The following PRR16 variants were observed in gnomAD, a reference collection of about 807,000 sequenced individuals.
PRR16 encodes the protein protein Largen.
A neutral mutation model predicts 18.2 loss-of-function variants in PRR16; 6 were observed. That is an observed-to-expected ratio of 0.33 (90% CI 0.18 to 0.65). The LOEUF (loss-of-function observed/expected upper bound fraction) is 0.65. Ranked by LOEUF, PRR16 falls within the 30% of genes least tolerant of loss-of-function variation. The probability of loss-of-function intolerance (pLI) is 0.74; values close to 1 mark genes in which losing one functional copy is unlikely to be tolerated. For missense variants in PRR16, 412 were observed against 376.6 expected (o/e 1.09, Z -0.78); for synonymous variants, 151 against 147.8 (o/e 1.02, Z -0.16).
At chr5:120,736,095 C>A in the PRR16 span, among the ~76,000 whole-genome samples, 1 of 152,138 alleles carries the variant, frequency 6.6e-6, no homozygotes, top group Non-Finnish European at 1.5e-5. Flanking sequence ...ATTGAATAGG[C>A]TTGACACCCT....
At chr5:120,611,064 C>T (rs945797350) in intron 1 of PRR16, among the ~76,000 whole-genome samples, 7 of 152,112 alleles carry the variant, frequency 4.6e-5, no homozygotes, top group Non-Finnish European at 7.4e-5. Flanking sequence ...GCTCTTGTTA[C>T]GTGTTAGCAA....
intron 1 of PRR16, among the ~76,000 whole-genome samples, chr5:120,601,015 A>G (rs371911030): frequency 6.6e-6 from 1 of 152,116 alleles, no homozygotes; most frequent in South Asian, 2.1e-4. Flanking sequence ...TCTATTGTGA[A>G]TAGAGCTGCA....
intron 1 of PRR16, among the ~76,000 whole-genome samples, chr5:120,511,339 C>A (rs1262744376): frequency 6.6e-6 from 1 of 152,090 alleles, no homozygotes; most frequent in Admixed American, 6.6e-5. Context: ...TTGGACTGAG[C>A]CTCTGAGAAT....
chr5:120,751,250 G>A, the PRR16 span, among the ~76,000 whole-genome samples: 4 of 152,010 alleles, frequency 2.6e-5, no homozygotes, highest in Admixed American at 2.6e-4. Flanking sequence ...AATAAATATG[G>A]GTGTACATAC....
rs73266167 is a variant in PRR16, at chr5:120,521,335, A to G, written c.159+56690A>G. ...GAAAGAACAGGTCTTTAGTAGCACC[A>G]TTTTTTAATCCTATAGATTTTTTGA... On this transcript the variant is annotated intron_variant, in intron 1 of 1. Transcript: ENST00000407149. Among the ~76,000 whole-genome samples the G allele has an allele frequency of 3.0e-3, 464 of 152,208 alleles. 3 individuals are homozygous for G. The highest frequency in any genetic ancestry group is 0.011 in the African/African-American group (443 of 41,514).
the PRR16 span, among the ~76,000 whole-genome samples, chr5:120,775,967 GCTTA>G: frequency 6.6e-6 from 1 of 151,726 alleles, no homozygotes; most frequent in East Asian, 1.9e-4. Flanking sequence ...AATCTAACCA[GCTTA>G]CTTTCCAGAT....
Position 120,464,461 on chromosome 5 carries a change from T to A in PRR16, c.-26T>A, listed in dbSNP as rs1449352942. The A allele has an allele frequency of 3.8e-6, 6 of 1,569,694 alleles. No homozygotes were observed. The highest frequency in any genetic ancestry group is 5.1e-6 in the Non-Finnish European group (6 of 1,166,040). On this transcript the variant is annotated 5_prime_UTR_variant, in exon 1 of 2. The change abolishes the stop of an existing upstream ORF in the 5' untranslated region. Coordinates refer to ENST00000407149, the MANE Select transcript of PRR16 (RefSeq NM_001300783.2). ...GCAGCCTCCGCTCGCCCGCCTGTCC[T>A]GACCTGCCTCGCTTGCCCCCAAAGA...
chr5:120,567,774 C>A (rs975920177), intron 1 of PRR16, among the ~76,000 whole-genome samples: 6 of 152,194 alleles, frequency 3.9e-5, no homozygotes, highest in Admixed American at 2.0e-4. Flanking sequence ...TTTCTTCAGG[C>A]CTCCCCAGCC....
chr5:120,576,008 C>T (rs1278776169), intron 1 of PRR16, among the ~76,000 whole-genome samples: 1 of 152,080 alleles, frequency 6.6e-6, no homozygotes, highest in South Asian at 2.1e-4. Context: ...TAATCCCTCA[C>T]CATATACAAA....
chr5:120,709,244 T>C, the PRR16 span, among the ~76,000 whole-genome samples: 68,092 of 151,618 alleles, frequency 0.45, 16,372 homozygotes, highest in East Asian at 0.84. Context: ...CCTGACCTCG[T>C]GATCTGCCCG....
intron 1 of PRR16, among the ~76,000 whole-genome samples, chr5:120,640,092 T>G (rs896675880): frequency 1.3e-5 from 2 of 152,078 alleles, no homozygotes; most frequent in African/African-American, 2.4e-5. Flanking sequence ...CTAAGCATGT[T>G]TACATGGATA....
At chr5:120,478,453 ATC>A (rs1358597635) in intron 1 of PRR16, among the ~76,000 whole-genome samples, 2 of 152,084 alleles carry the variant, frequency 1.3e-5, no homozygotes, top group African/African-American at 4.8e-5. Context: ...TAGACAAAGG[ATC>A]TCTCAGCAAT....
At chr5:120,651,377 G>A (rs1755783271) in intron 1 of PRR16, among the ~76,000 whole-genome samples, 2 of 152,044 alleles carry the variant, frequency 1.3e-5, no homozygotes, top group East Asian at 1.9e-4. Flanking sequence ...CATTGTTTTT[G>A]GTGTTTTAGA....
At chr5:120,776,750 GTC>G in the PRR16 span, among the ~76,000 whole-genome samples, 4 of 151,980 alleles carry the variant, frequency 2.6e-5, no homozygotes, top group African/African-American at 4.8e-5. Flanking sequence ...CTTTGTTAAA[GTC>G]TCTCTCATAT....
At chr5:120,678,939 TTTC>T (rs1160789820) in intron 1 of PRR16, among the ~76,000 whole-genome samples, 2 of 152,140 alleles carry the variant, frequency 1.3e-5, no homozygotes, top group African/African-American at 4.8e-5. Flanking sequence ...AATTATTTAA[TTTC>T]TTCTTAATCT....
chr5:120,497,525 G>A (rs958860803), intron 1 of PRR16, among the ~76,000 whole-genome samples: 12 of 151,244 alleles, frequency 7.9e-5, no homozygotes, highest in African/African-American at 2.9e-4. Context: ...AAGTAGCTGG[G>A]ATTACAGGTG....
chr5:120,757,002 G>A, the PRR16 span, among the ~76,000 whole-genome samples: 7 of 152,002 alleles, frequency 4.6e-5, no homozygotes, highest in Non-Finnish European at 7.4e-5. Flanking sequence ...ATGGGGACAC[G>A]TAGGTAGGGG....
chr5:120,752,173 G>C, the PRR16 span, among the ~76,000 whole-genome samples: 1 of 151,994 alleles, frequency 6.6e-6, no homozygotes, highest in Non-Finnish European at 1.5e-5. Flanking sequence ...ATTCCAAATA[G>C]AAAATTGGTC....
intron 1 of PRR16, among the ~76,000 whole-genome samples, chr5:120,583,544 G>A (rs894964764): frequency 2.6e-5 from 4 of 152,050 alleles, no homozygotes; most frequent in Non-Finnish European, 4.4e-5. Flanking sequence ...CTGAGAAACT[G>A]GTAATTTTCT....
Sources: allele counts gnomAD v4.1 joint callset (sites outside exome capture counted in the v4.1 genomes callset), GRCh38; gene constraint gnomAD v4.1.1; transcripts MANE v1.5; gene names NCBI Gene and HGNC (gene_info 2026-07-23, HGNC 2026-07-21).